Variants in PDE10A observed in about 807,000 individuals in gnomAD.
PDE10A encodes the protein phosphodiesterase 10A.
In PDE10A, 39 loss-of-function variants were observed where a neutral mutation model predicts 97.7. The ratio of observed to expected loss-of-function variants is 0.40; its 90% CI spans 0.31 to 0.52. The LOEUF (loss-of-function observed/expected upper bound fraction) is 0.52. Among genes scored for constraint, PDE10A ranks in the 20% least tolerant of loss-of-function variants. The pLI is 0.56. For synonymous variants in PDE10A, 371 were observed against 376.8 expected (o/e 0.98, Z 0.18); for missense variants, 731 against 1,047.8 (o/e 0.70, Z 4.17).
chr6:165,643,173 G>A (rs1450183570), intron 1 of PDE10A, among the ~76,000 whole-genome samples: 1 of 152,118 alleles, frequency 6.6e-6, no homozygotes, highest in Non-Finnish European at 1.5e-5. Flanking sequence ...GACGGATGGT[G>A]GGTAGATGTA....
rs540499005 is a variant in PDE10A at position 165,506,566 on chromosome 6, C to T, written c.995-24223G>A. ...AACACATTTCCAAGTAACAGTGCCA[C>T]GTCTGATATGGTGAAAAGAAAAATT... is the stretch of plus-strand genomic sequence containing the variant. On this transcript the variant is annotated intron_variant, in intron 2 of 21. Transcript: ENST00000539869. Among the ~76,000 whole-genome samples, 13 of 152,178 alleles carry T rather than the reference C, an allele frequency of 8.5e-5. No individual in the cohort carries two copies. The East Asian group carries it at 1.4e-3, about 16-fold the overall frequency.
At chr6:165,377,422 T>TAAAGG (rs1784674872) in intron 18 of PDE10A, among the ~76,000 whole-genome samples, 1 of 152,190 alleles carries the variant, frequency 6.6e-6, no homozygotes, top group Admixed American at 6.5e-5. Context: ...GCATTGCCTT[T>TAAAGG]CAATGCATGT....
chr6:165,577,654 C>T (rs550349453), intron 1 of PDE10A, among the ~76,000 whole-genome samples: 9 of 152,294 alleles, frequency 5.9e-5, no homozygotes, highest in African/African-American at 1.7e-4. Flanking sequence ...ACACGTGGGC[C>T]GCCTGCTATG....
intron 1 of PDE10A, among the ~76,000 whole-genome samples, chr6:165,937,062 G>A (rs1444484551): frequency 6.6e-6 from 1 of 152,140 alleles, no homozygotes; most frequent in Non-Finnish European, 1.5e-5. Flanking sequence ...GTAGTTCAGG[G>A]GTGACCATGA....
At chr6:165,750,054 T>C (rs2088087) in intron 1 of PDE10A, among the ~76,000 whole-genome samples, 39,647 of 151,840 alleles carry the variant, frequency 0.26, 7,354 homozygotes, top group African/African-American at 0.53. Context: ...GAACAGGGGG[T>C]ATGTGAGGCC....
intron 1 of PDE10A, among the ~76,000 whole-genome samples, chr6:165,592,254 T>C (rs568776729): frequency 6.6e-6 from 1 of 152,244 alleles, no homozygotes; most frequent in South Asian, 2.1e-4. Flanking sequence ...TGGCTAGCCA[T>C]ATGCAGAAAA....
intron 6 of PDE10A, among the ~76,000 whole-genome samples, chr6:165,434,598 T>C (rs1201563675): frequency 6.6e-6 from 1 of 152,054 alleles, no homozygotes; most frequent in Non-Finnish European, 1.5e-5. Flanking sequence ...AATGGGAGGG[T>C]AGTAAATTTG....
intron 10 of PDE10A, among the ~76,000 whole-genome samples, chr6:165,425,558 G>GA (rs1156800367): frequency 3.9e-5 from 6 of 152,028 alleles, no homozygotes; most frequent in Non-Finnish European, 7.4e-5. Context: ...GGCCCTCTAT[G>GA]AAAAACCCAC....
At chr6:165,548,790 G>A (rs753893169) in intron 1 of PDE10A, among the ~76,000 whole-genome samples, 3 of 152,104 alleles carry the variant, frequency 2.0e-5, no homozygotes, top group Non-Finnish European at 2.9e-5. Flanking sequence ...GTGGTTGTCC[G>A]GTGGGACAGT....
At chr6:165,675,212 C>G (rs1456309617) in intron 1 of PDE10A, among the ~76,000 whole-genome samples, 1 of 152,120 alleles carries the variant, frequency 6.6e-6, no homozygotes. Flanking sequence ...TTTTTCCCAG[C>G]CTGAGATTTA....
At chr6:165,646,598 T>C (rs75751244) in intron 1 of PDE10A, among the ~76,000 whole-genome samples, 4,505 of 152,320 alleles carry the variant, frequency 0.03, 196 homozygotes, top group African/African-American at 0.09. Context: ...CAGTGATTCC[T>C]GCAGGGCACT....
chr6:165,835,934 C>T (rs1001523459), intron 1 of PDE10A, among the ~76,000 whole-genome samples: 4 of 152,206 alleles, frequency 2.6e-5, no homozygotes, highest in South Asian at 2.1e-4. Flanking sequence ...CCTCGCCCCA[C>T]GCTGTCTCCC....
chr6:165,732,975 G>A (rs191162470), intron 1 of PDE10A, among the ~76,000 whole-genome samples: 181 of 152,342 alleles, frequency 1.2e-3, no homozygotes, highest in African/African-American at 4.2e-3. Context: ...CTGGTTCCTA[G>A]TGACAGTTCT....
chr6:165,907,095 T>G (rs993160410), intron 1 of PDE10A, among the ~76,000 whole-genome samples: 1 of 152,202 alleles, frequency 6.6e-6, no homozygotes, highest in African/African-American at 2.4e-5. Context: ...TATTTTCAAC[T>G]AGGTTTTGAA....
intron 16 of PDE10A, among the ~76,000 whole-genome samples, chr6:165,390,187 A>C (rs220798): frequency 0.52 from 79,520 of 152,008 alleles, 21,193 homozygotes; most frequent in Middle Eastern, 0.67. Flanking sequence ...AAAAACCCCA[A>C]GGGAGGAACA....
chr6:165,851,551 C>T (rs1426015607), intron 1 of PDE10A, among the ~76,000 whole-genome samples: 1 of 152,158 alleles, frequency 6.6e-6, no homozygotes, highest in Non-Finnish European at 1.5e-5. Context: ...TCTAGTTATC[C>T]CTCAGTCGTT....
chr6:165,647,430 T>C (rs769690374), intron 1 of PDE10A, among the ~76,000 whole-genome samples: 2 of 152,322 alleles, frequency 1.3e-5, no homozygotes, highest in African/African-American at 4.8e-5. Context: ...AGGTGAATTC[T>C]TTTGGAGGTG....
chr6:165,872,303 A>G (rs1398961993), intron 1 of PDE10A, among the ~76,000 whole-genome samples: 1 of 152,220 alleles, frequency 6.6e-6, no homozygotes, highest in African/African-American at 2.4e-5. Flanking sequence ...CCACCGAAAA[A>G]TATTGCCTTT....
intron 3 of PDE10A, among the ~76,000 whole-genome samples, chr6:165,469,889 A>G (rs534122850): frequency 6.6e-6 from 1 of 152,308 alleles, no homozygotes; most frequent in South Asian, 2.1e-4. Flanking sequence ...CCACTTAGCC[A>G]AAGCCTGGCT....
Sources: gnomAD v4.1 joint callset for allele counts (sites outside exome capture counted in the v4.1 genomes callset) on GRCh38, gnomAD v4.1.1 for gene constraint, MANE v1.5 for transcripts, NCBI Gene and HGNC (gene_info 2026-07-23, HGNC 2026-07-21) for gene names.